DYNC2H1: variants seen among roughly 807,000 people sequenced by gnomAD.
The protein encoded by DYNC2H1 is dynein cytoplasmic 2 heavy chain 1.
A neutral mutation model predicts 570.0 loss-of-function variants in DYNC2H1; 410 were observed. The ratio of observed to expected loss-of-function variants is 0.72; its 90% confidence interval spans 0.66 to 0.78. DYNC2H1 has a LOEUF of 0.78. Ranked by LOEUF, DYNC2H1 falls within the 30% of genes least tolerant of loss-of-function variation. The pLI is 0.00. For missense variants in DYNC2H1, 4,865 were observed against 5,046.4 expected (o/e 0.96, Z 1.09); for synonymous variants, 1,688 against 1,677.6 (o/e 1.01, Z -0.15).
chr11:103,113,546 G>A lies in DYNC2H1; in HGVS notation c.205G>A (p.Gly69Ser). 6.4e-7 allele frequency: 1 copy of A among 1,553,718 alleles called. No individual in the cohort carries two copies. Among genetic ancestry groups the A allele is most frequent in the Non-Finnish European group, 8.6e-7 (1 of 1,156,782 alleles). The part of the protein sequence containing the change: ...GISFSNTIEF[G>S]DTKDKVLVFF... Reference sequence around the variant, plus strand: ...TCATTTATCACTTTAGATTGAGTTTGGTGACACAAAAGATAAAGTGCTGGT... The same window carrying A: ...TCATTTATCACTTTAGATTGAGTTTAGTGACACAAAAGATAAAGTGCTGGT... Residue 69 changes from glycine (G) to serine (S), a missense_variant, in exon 2 of 89, where the codon GGT (glycine) becomes AGT (serine). This residue lies in a region of DYNC2H1 where 1,936 missense variants were observed against 1,962.1 expected (regional missense o/e 0.99). Transcript: ENST00000375735.
At chr11:103,206,167 G>A (rs1196301877) in intron 52 of DYNC2H1, among the ~76,000 whole-genome samples, 2 of 152,146 alleles carry the variant, frequency 1.3e-5, no homozygotes, top group Non-Finnish European at 2.9e-5. Context: ...GAAACAACAG[G>A]ATTTGCTGAC....
At chr11:103,307,649 T>C (rs1021042889) in intron 77 of DYNC2H1, 72 bp from the exon 78 acceptor site, 2 of 711,270 alleles carry the variant, frequency 2.8e-6, no homozygotes, top group Admixed American at 3.0e-5. Context: ...AAATAGTTAC[T>C]AATAATGTAA....
At chr11:103,444,257 ATTC>A (rs1944358901) in intron 85 of DYNC2H1, among the ~76,000 whole-genome samples, 1 of 151,922 alleles carries the variant, frequency 6.6e-6, no homozygotes, top group Non-Finnish European at 1.5e-5. Context: ...TATTCTTTAA[ATTC>A]TTCTCTTGCT....
At chr11:103,468,155 CG>C (rs1469511890) in intron 87 of DYNC2H1, among the ~76,000 whole-genome samples, 3 of 152,110 alleles carry the variant, frequency 2.0e-5, no homozygotes, top group Non-Finnish European at 4.4e-5. Flanking sequence ...TATCACATGT[CG>C]TTTTTTTCAT....
rs1042503326 is a variant in DYNC2H1, at chr11:103,439,960, C to T, written c.12456+3928C>T. On this transcript the variant is annotated intron_variant, in intron 85 of 88. Transcript: ENST00000375735. The surrounding 1 kb of genome is among the most constrained non-coding windows in gnomAD (Gnocchi z 4.1). ...TCTGTGTTTTCCCTTTGGCTTGTAG[C>T]GTATCCCTTACAGCAGTATATTCTG... Among the ~76,000 whole-genome samples the T allele has an allele frequency of 6.6e-6, 1 of 152,212 alleles. No homozygotes were observed. The highest frequency in any genetic ancestry group is 2.1e-4 in the South Asian group (1 of 4,824).
intron 54 of DYNC2H1, among the ~76,000 whole-genome samples, chr11:103,213,527 A>C (rs958245475): frequency 6.6e-6 from 1 of 151,824 alleles, no homozygotes; most frequent in African/African-American, 2.4e-5. Flanking sequence ...TTTATGGGGT[A>C]CATGTGATAT....
At chr11:103,430,008 G>T (rs1943831227) in intron 84 of DYNC2H1, among the ~76,000 whole-genome samples, 1 of 152,240 alleles carries the variant, frequency 6.6e-6, no homozygotes, top group South Asian at 2.1e-4. Context: ...AAAATCCAAT[G>T]TTGGTTTAAC....
chr11:103,158,598 T>TA (rs1306109058), intron 26 of DYNC2H1, 79 bp from the exon 27 acceptor site: 82 of 1,193,590 alleles, frequency 6.9e-5, no homozygotes, highest in Non-Finnish European at 9.0e-5. Context: ...TTTAAGCAGG[T>TA]AAAAAAAGTC....
intron 12 of DYNC2H1, among the ~76,000 whole-genome samples, chr11:103,127,505 T>G (rs1859060234): frequency 6.6e-6 from 1 of 152,322 alleles, no homozygotes; most frequent in Admixed American, 6.5e-5. Flanking sequence ...CCCCACCAAA[T>G]AAAGTATATT....
At chr11:103,338,824 C>G (rs892389489) in intron 82 of DYNC2H1, among the ~76,000 whole-genome samples, 5 of 152,076 alleles carry the variant, frequency 3.3e-5, no homozygotes, top group African/African-American at 1.2e-4. Context: ...CACTGGTGCC[C>G]TATTTAGTCT....
chr11:103,380,374 T>C (rs1941590947), intron 83 of DYNC2H1, among the ~76,000 whole-genome samples: 1 of 152,146 alleles, frequency 6.6e-6, no homozygotes, highest in Non-Finnish European at 1.5e-5. Context: ...GAGGAACTAA[T>C]ATGCAATAGG....
chr11:103,144,487 A>T (rs1006114928), intron 18 of DYNC2H1, among the ~76,000 whole-genome samples: 1 of 152,220 alleles, frequency 6.6e-6, no homozygotes, highest in African/African-American at 2.4e-5. Flanking sequence ...TAGGATAGTA[A>T]CACTGGAACT....
rs1327636811 is a variant in DYNC2H1 at position 103,275,044 on chromosome 11, A to C, written c.10696-5304A>C. 6.6e-6 allele frequency among the ~76,000 whole-genome samples: 1 copy of C among 152,098 alleles called. No individual in the cohort carries two copies. Among genetic ancestry groups the C allele is most frequent in the Non-Finnish European group, 1.5e-5 (1 of 68,032 alleles). ...GGGAGGTGGAGGTTGCAGTGATCTGAGATTGCGCCACTGCACTCCAGCCTG... is the reference window on the plus strand; with the variant it reads ...GGGAGGTGGAGGTTGCAGTGATCTGCGATTGCGCCACTGCACTCCAGCCTG... On this transcript the variant is annotated intron_variant, in intron 70 of 88. Coordinates refer to ENST00000375735, the MANE Select transcript of DYNC2H1 (RefSeq NM_001377.3). This position sits in a 1 kb window ranked among gnomAD's most constrained non-coding sequence, Gnocchi z 4.8.
Position 103,220,623 on chromosome 11 carries a change from C to G in DYNC2H1, c.8947C>G (p.Pro2983Ala), listed in dbSNP as rs761290859. Reference sequence around the variant, plus strand: ...TAAAAATGGCCTTTTTCTCTTTTAGCCTTTAGTCAATGAAGCTAAACTAGC... The same window carrying G: ...TAAAAATGGCCTTTTTCTCTTTTAGGCTTTAGTCAATGAAGCTAAACTAGC... Reference protein sequence around the residue: ...KIDDELKEVQPLVNEAKLAVG... With the variant: ...KIDDELKEVQALVNEAKLAVG... Residue 2983 changes from proline (P) to alanine (A), a missense_variant and splice_region_variant, in exon 57 of 89, where the codon CCT becomes GCT. Pro to Ala is a conservative substitution (Grantham distance 27). Transcript: ENST00000375735. 1.3e-6 allele frequency: 2 copies of G among 1,597,984 alleles called. No homozygotes were observed. Among genetic ancestry groups the G allele is most frequent in the Middle Eastern group, 1.7e-4 (1 of 6,010 alleles).
chr11:103,162,080 T>C (rs1861116574), intron 29 of DYNC2H1, among the ~76,000 whole-genome samples: 2 of 152,220 alleles, frequency 1.3e-5, no homozygotes, highest in African/African-American at 4.8e-5. Context: ...CTTGTAGTTT[T>C]GTTGGATATA....
At chr11:103,471,485 C>T (rs1945384038) in intron 88 of DYNC2H1, among the ~76,000 whole-genome samples, 1 of 152,142 alleles carries the variant, frequency 6.6e-6, no homozygotes, top group African/African-American at 2.4e-5. Flanking sequence ...CCAGTTTCCT[C>T]ATTTGAAAAT....
chr11:103,260,379 T>G (rs1360519788), intron 70 of DYNC2H1, among the ~76,000 whole-genome samples: 1 of 152,216 alleles, frequency 6.6e-6, no homozygotes, highest in East Asian at 1.9e-4. Context: ...CCTTCCAGCA[T>G]TCCTTCCCAT....
intron 31 of DYNC2H1, 84 bp downstream of exon 31, chr11:103,166,132 T>C: frequency 1.8e-6 from 2 of 1,135,710 alleles, no homozygotes; most frequent in Non-Finnish European, 2.4e-6. Context: ...TGTTTTTGAC[T>C]GTATATCTGT....
Position 103,181,143 on chromosome 11 carries a change from T to C in DYNC2H1, c.6348-614T>C, listed in dbSNP as rs1255898987. On this transcript the variant is annotated intron_variant, in intron 39 of 88. Coordinates refer to ENST00000375735, the MANE Select transcript of DYNC2H1 (RefSeq NM_001377.3). The surrounding 1 kb of genome is among the most constrained non-coding windows in gnomAD (Gnocchi z 5.0). The stretch of plus-strand genomic sequence containing the variant: ...TTACCCAGATAATTATGTGCTTTGC[T>C]AAAGGAATTATAGTTTGCTTTAGGA... Among the ~76,000 whole-genome samples, 1 of 151,686 alleles carries C rather than the reference T, an allele frequency of 6.6e-6. No individual in the cohort carries two copies. Among genetic ancestry groups the C allele is most frequent in the Non-Finnish European group, 1.5e-5 (1 of 67,690 alleles).
Sources: allele counts gnomAD v4.1 joint callset (sites outside exome capture counted in the v4.1 genomes callset), GRCh38; gene constraint gnomAD v4.1.1; regional missense constraint gnomAD v4.1.1; non-coding constraint Gnocchi (gnomAD v3.1); transcripts MANE v1.5; gene names NCBI Gene and HGNC (gene_info 2026-07-23, HGNC 2026-07-21).